The following CCNL1 variants were observed in gnomAD, a reference collection of about 807,000 sequenced individuals.
The protein encoded by CCNL1 is cyclin-L1.
In CCNL1, 13 loss-of-function variants were observed where a neutral mutation model predicts 60.6. That is an observed-to-expected ratio of 0.21 (90% CI 0.14 to 0.34). The LOEUF (loss-of-function observed/expected upper bound fraction) is 0.34. Among genes scored for constraint, CCNL1 ranks in the 10% least tolerant of loss-of-function variants. The probability of loss-of-function intolerance (pLI) is 1.00; values close to 1 mark genes in which losing one functional copy is unlikely to be tolerated. For missense variants in CCNL1, 481 were observed against 664.3 expected (o/e 0.72, Z 3.03); for synonymous variants, 270 against 244.3 (o/e 1.10, Z -0.98).
At chr3:157,148,948 G>A in intron 10 of CCNL1, 1 of 324,920 alleles carries the variant, frequency 3.1e-6, no homozygotes, top group Non-Finnish European at 5.6e-6. Flanking sequence ...TGGTTAATTT[G>A]ATTATTGGTT....
chr3:157,159,645 G>A, intron 1 of CCNL1, 147 bp downstream of exon 1: 2 of 1,003,764 alleles, frequency 2.0e-6, no homozygotes, highest in Admixed American at 3.0e-5. Flanking sequence ...CCCCCGCCCC[G>A]GCACGCCCCG....
intron 10 of CCNL1, chr3:157,148,944 A>C: frequency 3.0e-6 from 1 of 331,090 alleles, no homozygotes. Flanking sequence ...TGACTGGTTA[A>C]TTTGATTATT....
chr3:157,156,122 T>C (rs1423605582), intron 3 of CCNL1, among the ~76,000 whole-genome samples: 1 of 152,222 alleles, frequency 6.6e-6, no homozygotes. Context: ...ATTTATGTGT[T>C]ACAAAGACTG....
chr3:157,146,469 C>T, downstream of CCNL1: 4 of 441,586 alleles, frequency 9.1e-6, no homozygotes, highest in South Asian at 1.6e-5. Context: ...ACCCACAGCA[C>T]TCCTATTTCC....
chr3:157,151,791 G>A, intron 5 of CCNL1: 1 of 1,052,356 alleles, frequency 9.5e-7, no homozygotes, highest in Non-Finnish European at 1.2e-6. Flanking sequence ...GCTGCCAGAT[G>A]GATATGGACC....
intron 3 of CCNL1, among the ~76,000 whole-genome samples, chr3:157,157,522 T>C (rs1738712441): frequency 1.3e-5 from 2 of 152,216 alleles, no homozygotes; most frequent in South Asian, 4.1e-4. Flanking sequence ...TAGAGCCTTG[T>C]ATTAGTGTCA....
At position 157,149,587 on chromosome 3, in the gene CCNL1, C is replaced by T; in HGVS notation, c.1031G>A (p.Arg344Lys). The change falls in exon 9 of 11, where the codon AGA becomes AAA. Residue 344 changes from arginine to lysine, a missense_variant. This residue lies in a region of CCNL1 where 75 missense variants were observed against 129.6 expected (regional missense o/e 0.58). Coordinates refer to ENST00000295926, the MANE Select transcript of CCNL1 (RefSeq NM_020307.4). The part of the protein sequence containing the change: ...FSPASKPSSP[R>K]EVKAEEKSPI... Reference sequence around the variant, plus strand: ...TGATTTCTCTTCAGCTTTTACTTCTCTTGGTGATGCTTTTAAAAGATATAA... The same window carrying T: ...TGATTTCTCTTCAGCTTTTACTTCTTTTGGTGATGCTTTTAAAAGATATAA... 1 of 1,612,232 alleles carries T rather than the reference C, an allele frequency of 6.2e-7. No homozygotes were observed.
chr3:157,159,423 G>A lies in CCNL1; in HGVS notation c.360C>T (p.Phe120=), dbSNP rs373787459. The change falls in exon 2 of 11, where the codon TTC becomes TTT. Residue 120 remains phenylalanine, a synonymous_variant. Transcript: ENST00000295926. ...LFHRFFYSKS[F]VKHSFEIVAM... ...TGCTTACCTCGAAACTGTGTTTGACGAAAGATTTGGAGTAGAAAAAACGAT... is the reference window on the plus strand; with the variant it reads ...TGCTTACCTCGAAACTGTGTTTGACAAAAGATTTGGAGTAGAAAAAACGAT... 8.1e-6 allele frequency: 13 copies of A among 1,614,124 alleles called. No homozygotes were observed. Among genetic ancestry groups the A allele is most frequent in the African/African-American group, 5.3e-5 (4 of 75,038 alleles).
Position 157,148,094 on chromosome 3 carries a change from G to C in CCNL1, c.*147C>G. 7.1e-7 allele frequency: 1 copy of C among 1,402,906 alleles called. No homozygotes were observed. The highest frequency in any genetic ancestry group is 9.3e-7 in the Non-Finnish European group (1 of 1,079,912). 86.9% of individuals were successfully genotyped at this position (1,402,906 alleles called of 1,614,324 possible). A position where few individuals can be genotyped will look rare whatever the true frequency, so the allele number is the denominator to read the frequency against. On this transcript the variant is annotated 3_prime_UTR_variant, in exon 11 of 11. Coordinates refer to ENST00000295926, the MANE Select transcript of CCNL1 (RefSeq NM_020307.4). Reference sequence around the variant, plus strand: ...AAAATTAACATAGTTCTTTTCAAAAGAAACTGTCCTCAGTGTTCTAGAGAC... The same window carrying C: ...AAAATTAACATAGTTCTTTTCAAAACAAACTGTCCTCAGTGTTCTAGAGAC...
chr3:157,159,412 C>G lies in CCNL1; in HGVS notation c.371G>C (p.Ser124Thr). The part of the protein sequence containing the change: ...FFYSKSFVKH[S>T]FEIVAMACIN... Reference sequence around the variant, plus strand: ...CGCCTCCGCTGTGCTTACCTCGAAACTGTGTTTGACGAAAGATTTGGAGTA... The same window carrying G: ...CGCCTCCGCTGTGCTTACCTCGAAAGTGTGTTTGACGAAAGATTTGGAGTA... The change falls in exon 2 of 11, where the codon AGT becomes ACT. Residue 124 changes from serine to threonine, a missense_variant. Ser to Thr is a moderately conservative substitution (Grantham distance 58). Transcript: ENST00000295926. 6.2e-7 allele frequency: 1 copy of G among 1,614,136 alleles called. No homozygotes were observed. Among genetic ancestry groups the G allele is most frequent in the Non-Finnish European group, 8.5e-7 (1 of 1,179,976 alleles).
rs529500085 is a variant in CCNL1 at position 157,156,116 on chromosome 3, ATG to A, written c.488+2748_488+2749del. The stretch of plus-strand genomic sequence containing the variant: ...AGTCCAAACATGGTTAGTTTCATTT[ATG>A]TGTTACAAAGACTGAGAAATATTGG... On this transcript the variant is annotated intron_variant, in intron 3 of 10. Coordinates refer to ENST00000295926, the MANE Select transcript of CCNL1 (RefSeq NM_020307.4). Among the ~76,000 whole-genome samples, 26 of 152,352 alleles carry A rather than the reference ATG, an allele frequency of 1.7e-4. 1 individual carries two copies. The South Asian group carries it at 5.4e-3, about 32-fold the overall frequency.
chr3:157,159,396 T>A lies in CCNL1; in HGVS notation c.378+9A>T. 1 of 1,613,624 alleles carries A rather than the reference T, an allele frequency of 6.2e-7. No homozygotes were observed. Reference sequence around the variant, plus strand: ...AGAAATCCCTTTTACCCGCCTCCGCTGTGCTTACCTCGAAACTGTGTTTGA... The same window carrying A: ...AGAAATCCCTTTTACCCGCCTCCGCAGTGCTTACCTCGAAACTGTGTTTGA... On this transcript the variant is annotated intron_variant, in intron 2 of 10. Transcript: ENST00000295926.
chr3:157,145,811 G>T (rs1357027596), downstream of CCNL1, among the ~76,000 whole-genome samples: 1 of 152,138 alleles, frequency 6.6e-6, no homozygotes, highest in Non-Finnish European at 1.5e-5. Flanking sequence ...TTCAGTGACA[G>T]CACAGAGTTA....
intron 3 of CCNL1, chr3:157,157,175 C>A (rs1191687265): frequency 1.8e-6 from 2 of 1,098,204 alleles, no homozygotes; most frequent in East Asian, 1.2e-4. Flanking sequence ...CATAGAAACA[C>A]TTTTACATCC....
chr3:157,143,470 TC>T (rs562993321), downstream of CCNL1, among the ~76,000 whole-genome samples: 253 of 152,340 alleles, frequency 1.7e-3, 2 homozygotes, highest in Middle Eastern at 0.017. Flanking sequence ...ATTCATTCAT[TC>T]CTCAAGTAAT....
At chr3:157,143,151 A>T (rs1367693762), downstream of CCNL1, among the ~76,000 whole-genome samples, 1 of 152,188 alleles carries the variant, frequency 6.6e-6, no homozygotes, top group Non-Finnish European at 1.5e-5. Context: ...TTTTAAGAGC[A>T]GCTAGAAGTC....
In CCNL1 at chr3:157,150,101, G is replaced by A; in HGVS notation, c.843C>T (p.Ile281=). 2 of 1,612,620 alleles carry A rather than the reference G, an allele frequency of 1.2e-6. No individual in the cohort carries two copies. Among genetic ancestry groups the A allele is most frequent in the Non-Finnish European group, 8.5e-7 (1 of 1,179,598 alleles). The change falls in exon 7 of 11, where the codon ATC becomes ATT. Residue 281 remains isoleucine, a synonymous_variant. Coordinates refer to ENST00000295926, the MANE Select transcript of CCNL1 (RefSeq NM_020307.4). ...TATAAAGCCTAAGTGTTTCTATGCA[G>A]ATTTCCTGGATTTCCTCTTCTGTAG... ...FGTTEEEIQE[I]CIETLRLYTR...
chr3:157,155,900 C>G (rs1182337753), intron 3 of CCNL1, among the ~76,000 whole-genome samples: 1 of 152,182 alleles, frequency 6.6e-6, no homozygotes, highest in Non-Finnish European at 1.5e-5. Context: ...TATCAACACA[C>G]AAACTAACTC....
rs965278205 is a variant in CCNL1, at chr3:157,159,785, C to A, written c.303+7G>T. 7 of 1,529,886 alleles carry A rather than the reference C, an allele frequency of 4.6e-6. No homozygotes were observed. Among genetic ancestry groups the A allele is most frequent in the Middle Eastern group, 1.8e-4 (1 of 5,622 alleles). 94.8% of individuals were successfully genotyped at this position (1,529,886 alleles called of 1,614,324 possible). ...GCGCCCGGCCGGCCCGGGGCCGGAG[C>A]ACTGACCTGCGGCAGCCGGAGGAGA... is the stretch of plus-strand genomic sequence containing the variant. On this transcript the variant is annotated splice_region_variant and intron_variant, in intron 1 of 10. Coordinates refer to ENST00000295926, the MANE Select transcript of CCNL1 (RefSeq NM_020307.4).
Sources: gnomAD v4.1 joint callset for allele counts (sites outside exome capture counted in the v4.1 genomes callset) on GRCh38, gnomAD v4.1.1 for gene constraint, gnomAD v4.1.1 regional missense constraint, MANE v1.5 for transcripts, NCBI Gene and HGNC (gene_info 2026-07-23, HGNC 2026-07-21) for gene names.